MARK4: variants seen among roughly 807,000 people sequenced by gnomAD.
The protein encoded by MARK4 is MAP/microtubule affinity-regulating kinase 4.
A neutral mutation model predicts 81.5 loss-of-function variants in MARK4; 19 were observed. The observed-to-expected ratio is 0.23, with a 90% CI of 0.16 to 0.34. The LOEUF (loss-of-function observed/expected upper bound fraction) is 0.34. Ranked by LOEUF, MARK4 falls within the 10% of genes least tolerant of loss-of-function variation. The pLI is 1.00. For synonymous variants in MARK4, 436 were observed against 439.0 expected (o/e 0.99, Z 0.08); for missense variants, 772 against 1,058.8 (o/e 0.73, Z 3.76).
rs184479894 is a variant in MARK4, at chr19:45,289,856, C to T, written c.1494+2192C>T. Among the ~76,000 whole-genome samples the T allele has an allele frequency of 3.5e-3, 526 of 152,042 alleles. 5 individuals carry two copies. Among genetic ancestry groups the T allele is most frequent in the African/African-American group, 0.011 (475 of 41,446 alleles). ...TCACGCCTGTAATTCCAGCACTTTG[C>T]AAGGCTGAGGTGGGTGGATTGCTTG... On this transcript the variant is annotated intron_variant, in intron 13 of 16. Transcript: ENST00000262891.
chr19:45,261,648 T>C (rs1183142919), intron 2 of MARK4, among the ~76,000 whole-genome samples: 1 of 152,174 alleles, frequency 6.6e-6, no homozygotes, highest in African/African-American at 2.4e-5. Flanking sequence ...AAAGTTTTAC[T>C]GCAGACTGGG....
chr19:45,282,691 G>A (rs1481488213), intron 12 of MARK4, among the ~76,000 whole-genome samples: 15 of 152,266 alleles, frequency 9.9e-5, no homozygotes, highest in African/African-American at 3.4e-4. Context: ...CAGGCATGGT[G>A]GCGGGCACCT....
chr19:45,266,261 A>G lies in MARK4; in HGVS notation c.529A>G (p.Ile177Val), dbSNP rs1418680771. The change falls in exon 7 of 17, where the codon ATT (isoleucine) becomes GTT (valine). Residue 177 changes from isoleucine (I) to valine (V), a missense_variant. Ile to Val is a conservative substitution (Grantham distance 29, BLOSUM62 3). This residue lies in a region of MARK4 where 109 missense variants were observed against 294.7 expected (regional missense o/e 0.37). Coordinates refer to ENST00000262891, the MANE Select transcript of MARK4 (RefSeq NM_001199867.2). Reference sequence around the variant, plus strand: ...TGTGCACTATTGTCACCAGAAAAATATTGTACACAGGGACCTGAAGGTAAG... The same window carrying G: ...TGTGCACTATTGTCACCAGAAAAATGTTGTACACAGGGACCTGAAGGTAAG... ...SAVHYCHQKN[I>V]VHRDLKAENL... is the part of the protein sequence containing the mutation. 2 of 1,613,768 alleles carry G rather than the reference A, an allele frequency of 1.2e-6. No individual in the cohort carries two copies. The highest frequency in any genetic ancestry group is 2.2e-5 in the East Asian group (1 of 44,886).
At chr19:45,257,442 G>A (rs1970321816) in intron 1 of MARK4, among the ~76,000 whole-genome samples, 1 of 143,674 alleles carries the variant, frequency 7.0e-6, no homozygotes, top group Non-Finnish European at 1.5e-5. Context: ...GTAGTGCAGT[G>A]GCGCGATCTC....
chr19:45,280,878 G>C, intron 12 of MARK4, 144 bp downstream of exon 12: 3 of 1,215,764 alleles, frequency 2.5e-6, no homozygotes, highest in Non-Finnish European at 3.5e-6. Flanking sequence ...TAAAGACACA[G>C]GGCATTGCAT....
chr19:45,268,832 A>G (rs954056604), intron 7 of MARK4, among the ~76,000 whole-genome samples: 2 of 152,184 alleles, frequency 1.3e-5, no homozygotes, highest in Admixed American at 1.3e-4. Flanking sequence ...ACAAATTGCT[A>G]TAGAGGTTCA....
At position 45,264,709 on chromosome 19, in the gene MARK4, T is replaced by A; in HGVS notation, c.381T>A (p.Thr127=). The A allele has an allele frequency of 2.5e-6, 4 of 1,614,118 alleles. No individual in the cohort carries two copies. Among genetic ancestry groups the A allele is most frequent in the Non-Finnish European group, 2.5e-6 (3 of 1,180,026 alleles). Residue 127 remains threonine, a synonymous_variant, in exon 5 of 17, where the codon ACT becomes ACA. Coordinates refer to ENST00000262891, the MANE Select transcript of MARK4 (RefSeq NM_001199867.2). The stretch of plus-strand genomic sequence containing the variant: ...TGAAGCTCTTTGAGGTGATTGAGAC[T>A]GAGAAGACGCTGTACCTGGTGATGG... The part of the protein sequence containing the change: ...NIVKLFEVIE[T]EKTLYLVMEY...
rs777915380 is a variant in MARK4 at position 45,287,838 on chromosome 19, A to G, written c.1494+174A>G. ...GCCTCTGTTTGCCTGAGCTCAGTTT[A>G]TACACTAACATTTGATGTTAGCGTA... is the stretch of plus-strand genomic sequence containing the variant. On this transcript the variant is annotated intron_variant, in intron 13 of 16. Coordinates refer to ENST00000262891, the MANE Select transcript of MARK4 (RefSeq NM_001199867.2). 1.9e-5 allele frequency: 14 copies of G among 734,280 alleles called. No individual in the cohort carries two copies. In the East Asian group the frequency reaches 3.8e-4, roughly 20 times the overall value. 45.5% of individuals were successfully genotyped at this position (734,280 alleles called of 1,614,324 possible). A position where few individuals can be genotyped will look rare whatever the true frequency, so the allele number is the denominator to read the frequency against.
intron 8 of MARK4, among the ~76,000 whole-genome samples, chr19:45,273,371 G>A (rs1568495090): frequency 6.6e-6 from 1 of 152,214 alleles, no homozygotes; most frequent in Non-Finnish European, 1.5e-5. Flanking sequence ...AAAGGCGAGA[G>A]CGGGTTATCT....
At chr19:45,252,225 G>A (rs1440261631) in intron 1 of MARK4, among the ~76,000 whole-genome samples, 1 of 152,012 alleles carries the variant, frequency 6.6e-6, no homozygotes, top group East Asian at 1.9e-4. Flanking sequence ...CCTGGGCCCC[G>A]GCCCTTTTCT....
At chr19:45,269,950 C>T (rs965959926) in intron 7 of MARK4, among the ~76,000 whole-genome samples, 2 of 152,104 alleles carry the variant, frequency 1.3e-5, no homozygotes, top group Non-Finnish European at 2.9e-5. Flanking sequence ...GCCTCAGCCT[C>T]CCAAGTTGCT....
chr19:45,295,780 T>TA (rs140864276), intron 14 of MARK4, among the ~76,000 whole-genome samples: 10,318 of 151,722 alleles, frequency 0.068, 466 homozygotes, highest in Middle Eastern at 0.16. Flanking sequence ...ATCCGTCTCA[T>TA]AAAAAAAAGG....
intron 12 of MARK4, among the ~76,000 whole-genome samples, chr19:45,281,881 A>C (rs1358398311): frequency 6.6e-6 from 1 of 152,140 alleles, no homozygotes; most frequent in Non-Finnish European, 1.5e-5. Flanking sequence ...ATTATACCCC[A>C]CATTCTGCAA....
At chr19:45,273,526 C>T (rs1356491187) in intron 8 of MARK4, among the ~76,000 whole-genome samples, 1 of 152,056 alleles carries the variant, frequency 6.6e-6, no homozygotes, top group African/African-American at 2.4e-5. Context: ...TTTTCCCAGT[C>T]GGGGATCCAC....
In MARK4 at chr19:45,294,263, G is replaced by A. The variant is rs142205426; in HGVS notation, c.1495-86G>A. On this transcript the variant is annotated intron_variant, in intron 13 of 16. Coordinates refer to ENST00000262891, the MANE Select transcript of MARK4 (RefSeq NM_001199867.2). ...CACATGAGCCCCTGACTTATTCATCGATGGGGAGGGCAGAGAAGGGAAGAG... is the reference window on the plus strand; with the variant it reads ...CACATGAGCCCCTGACTTATTCATCAATGGGGAGGGCAGAGAAGGGAAGAG... 4.7e-4 allele frequency: 601 copies of A among 1,276,216 alleles called. 1 individual carries two copies. The highest frequency in any genetic ancestry group is 1.9e-3 in the Admixed American group (103 of 54,256). 79.1% of individuals were successfully genotyped at this position (1,276,216 alleles called of 1,614,324 possible).
intron 1 of MARK4, among the ~76,000 whole-genome samples, chr19:45,258,655 G>A (rs541139463): frequency 3.3e-5 from 5 of 151,872 alleles, no homozygotes; most frequent in African/African-American, 1.2e-4. Flanking sequence ...AGCTGAGATC[G>A]TGCCACTGCA....
At position 45,299,840 on chromosome 19, in the gene MARK4, G is replaced by A; in HGVS notation, c.1907G>A (p.Gly636Glu). Residue 636 changes from glycine to glutamate, a missense_variant, in exon 16 of 17, where the codon GGA becomes GAA. Coordinates refer to ENST00000262891, the MANE Select transcript of MARK4 (RefSeq NM_001199867.2). ...GCAGACGAACCTGAGAGAATCGGGG[G>A]ACCTGAGGTCACAAGGTGAGTGCTT... ...RVADEPERIG[G>E]PEVTSCHLPW... 1 of 1,605,328 alleles carries A rather than the reference G, an allele frequency of 6.2e-7. No individual in the cohort carries two copies. Among genetic ancestry groups the A allele is most frequent in the Non-Finnish European group, 8.5e-7 (1 of 1,174,198 alleles).
At position 45,297,944 on chromosome 19, in the gene MARK4, C is replaced by T. The variant is rs1970911087; in HGVS notation, c.1867C>T (p.Leu623=). ...TNLFTKLTSK[L]TRRVADEPER... The stretch of plus-strand genomic sequence containing the variant: ...CCTCTTCACCAAGCTGACCTCCAAA[C>T]TGACCCGAAGGTGAGCTCCGCGGGG... The change falls in exon 15 of 17, where the codon CTG becomes TTG. Residue 623 remains leucine (L), a synonymous_variant. Transcript: ENST00000262891. 1 of 1,550,728 alleles carries T rather than the reference C, an allele frequency of 6.4e-7. No individual in the cohort carries two copies. Among genetic ancestry groups the T allele is most frequent in the East Asian group, 2.4e-5 (1 of 40,904 alleles).
At chr19:45,254,693 G>C (rs1293464019) in intron 1 of MARK4, among the ~76,000 whole-genome samples, 1 of 152,220 alleles carries the variant, frequency 6.6e-6, no homozygotes, top group Non-Finnish European at 1.5e-5. Context: ...CGTGGTTAGA[G>C]CCCTGGCCGT....
Sources: gnomAD v4.1 joint callset for allele counts (sites outside exome capture counted in the v4.1 genomes callset) on GRCh38, gnomAD v4.1.1 for gene constraint, gnomAD v4.1.1 regional missense constraint, MANE v1.5 for transcripts, NCBI Gene and HGNC (gene_info 2026-07-23, HGNC 2026-07-21) for gene names.